The following CPA6 variants were observed in gnomAD, a reference collection of about 807,000 sequenced individuals.
CPA6 encodes the protein carboxypeptidase B.
In CPA6, 58 loss-of-function variants were observed where a neutral mutation model predicts 63.3. The observed-to-expected ratio is 0.92, with a 90% CI of 0.74 to 1.14. The LOEUF is 1.14. Ranked by LOEUF, CPA6 falls within the 50% of genes most tolerant of loss-of-function variation. The pLI is 0.00. For missense variants in CPA6, 565 were observed against 526.6 expected, an observed-to-expected ratio of 1.07 and a Z score of -0.71; for synonymous variants, 185 against 179.0, an observed-to-expected ratio of 1.03 and a Z score of -0.27.
intron 1 of CPA6, among the ~76,000 whole-genome samples, chr8:67,661,010 AAGTACT>A (rs1296728779): frequency 6.6e-6 from 1 of 152,176 alleles, no homozygotes; most frequent in African/African-American, 2.4e-5. Context: ...CTGGAAAGCA[AAGTACT>A]AGTTCATCCC....
At chr8:67,544,940 G>C (rs1249294834) in intron 2 of CPA6, among the ~76,000 whole-genome samples, 1 of 151,850 alleles carries the variant, frequency 6.6e-6, no homozygotes, top group Non-Finnish European at 1.5e-5. Flanking sequence ...TTTTTTGGGG[G>C]GCCATCAAAG....
intron 2 of CPA6, among the ~76,000 whole-genome samples, chr8:67,562,522 A>G (rs1225660280): frequency 6.6e-6 from 1 of 151,966 alleles, no homozygotes. Flanking sequence ...GGTTCTACGT[A>G]CAGTTGGTAC....
chr8:67,576,003 T>C (rs533853432), intron 2 of CPA6, among the ~76,000 whole-genome samples: 180 of 152,286 alleles, frequency 1.2e-3, no homozygotes, highest in South Asian at 3.7e-3. Context: ...TCATGGGAAC[T>C]GAGAGTAGAA....
intron 2 of CPA6, among the ~76,000 whole-genome samples, chr8:67,597,277 C>T (rs1044608482): frequency 3.3e-5 from 5 of 150,524 alleles, no homozygotes; most frequent in Non-Finnish European, 7.4e-5. Context: ...CAGCTCCCTG[C>T]AAACTCCGCC....
intron 1 of CPA6, among the ~76,000 whole-genome samples, chr8:67,712,307 T>C (rs964784068): frequency 2.0e-4 from 30 of 152,186 alleles, no homozygotes; most frequent in Admixed American, 1.6e-3. Context: ...TGTGGATATA[T>C]GTTTGCACCC....
chr8:67,741,662 G>C (rs934362221), intron 1 of CPA6, among the ~76,000 whole-genome samples: 13 of 152,156 alleles, frequency 8.5e-5, no homozygotes, highest in Non-Finnish European at 1.6e-4. Flanking sequence ...GAGGGATCTA[G>C]GTTGCATGTT....
intron 9 of CPA6, among the ~76,000 whole-genome samples, chr8:67,432,636 A>AT: frequency 6.6e-6 from 1 of 151,856 alleles, no homozygotes; most frequent in African/African-American, 2.4e-5. Context: ...CTAATTTTTA[A>AT]TTTTTTTGTA....
chr8:67,639,883 G>T (rs144335273), intron 1 of CPA6, among the ~76,000 whole-genome samples: 1 of 151,418 alleles, frequency 6.6e-6, no homozygotes, highest in Admixed American at 6.6e-5. Flanking sequence ...GACCTATAGT[G>T]GGTAGTTCCT....
In CPA6 at chr8:67,517,999, C is replaced by T; in HGVS notation, c.241G>A (p.Val81Ile). 1 of 1,613,054 alleles carries T rather than the reference C, an allele frequency of 6.2e-7. No homozygotes were observed. The highest frequency in any genetic ancestry group is 8.5e-7 in the Non-Finnish European group (1 of 1,179,634). Residue 81 changes from valine (V) to isoleucine (I), a missense_variant, in exon 3 of 11, where the codon GTT (valine) becomes ATT (isoleucine). By Grantham distance (29) the Val-to-Ile change is conservative. Transcript: ENST00000297770. ...SSISYVSEGT[V>I]TDVHIPQNGS... ...TTTTGGGGGATATGGACATCAGTAA[C>T]TGTTCCCTCTGATACATAGGAGATA...
intron 2 of CPA6, among the ~76,000 whole-genome samples, chr8:67,612,647 C>T (rs1350397553): frequency 1.3e-5 from 2 of 152,190 alleles, no homozygotes; most frequent in African/African-American, 4.8e-5. Flanking sequence ...TTTGTGGGAC[C>T]ATGGGAATTT....
At chr8:67,483,097 A>T (rs1157624359) in intron 8 of CPA6, among the ~76,000 whole-genome samples, 1 of 152,206 alleles carries the variant, frequency 6.6e-6, no homozygotes, top group Non-Finnish European at 1.5e-5. Context: ...CTCAATACAA[A>T]GGCAGCTCCT....
At position 67,532,596 on chromosome 8, in the gene CPA6, A is replaced by T. The variant is rs75629389; in HGVS notation, c.193-14549T>A. Among the ~76,000 whole-genome samples the T allele has an allele frequency of 3.1e-3, 476 of 152,158 alleles. 10 individuals carry two copies. The highest frequency in any genetic ancestry group is 0.025 in the Admixed American group (376 of 15,256). ...ACTTGGGAGGCTGAGAGGTGGGAGG[A>T]TCGCTTGTCTCTGGGAGTTCAAGGC... On this transcript the variant is annotated intron_variant, in intron 2 of 10. Transcript: ENST00000297770.
intron 2 of CPA6, among the ~76,000 whole-genome samples, chr8:67,601,844 T>A (rs1343110703): frequency 6.6e-6 from 1 of 152,162 alleles, no homozygotes; most frequent in Non-Finnish European, 1.5e-5. Context: ...AAAGTACATA[T>A]CCTCTTTGGC....
chr8:67,422,735 G>A (rs1406376866), intron 10 of CPA6, 44 bp from the exon 11 acceptor site: 1 of 1,482,704 alleles, frequency 6.7e-7, no homozygotes, highest in Non-Finnish European at 9.2e-7. Flanking sequence ...TCACTAAAGA[G>A]TCAGTATAAT....
intron 2 of CPA6, among the ~76,000 whole-genome samples, chr8:67,558,805 C>T (rs543456253): frequency 4.6e-5 from 7 of 152,294 alleles, no homozygotes; most frequent in African/African-American, 1.2e-4. Flanking sequence ...TATGGCTCTT[C>T]GTCCCATCTG....
At chr8:67,546,765 C>T (rs1309743107) in intron 2 of CPA6, among the ~76,000 whole-genome samples, 2 of 152,136 alleles carry the variant, frequency 1.3e-5, no homozygotes, top group Non-Finnish European at 2.9e-5. Flanking sequence ...GAAATCCTCT[C>T]ACCTCAGCCT....
At chr8:67,592,186 C>A (rs1165015696) in intron 2 of CPA6, among the ~76,000 whole-genome samples, 1 of 152,204 alleles carries the variant, frequency 6.6e-6, no homozygotes, top group Non-Finnish European at 1.5e-5. Context: ...TGCTGGATTA[C>A]ATTTACTGAT....
chr8:67,737,467 C>T (rs764344573), intron 1 of CPA6, among the ~76,000 whole-genome samples: 2 of 152,242 alleles, frequency 1.3e-5, no homozygotes, highest in Non-Finnish European at 2.9e-5. Context: ...CCTTTGCAAT[C>T]GTCACATCTA....
intron 8 of CPA6, among the ~76,000 whole-genome samples, chr8:67,475,823 T>TTTTCTTTCTTTCTTTC (rs1166367674): frequency 1.1e-4 from 5 of 45,962 alleles, no homozygotes; most frequent in Non-Finnish European, 1.6e-4. Flanking sequence ...CTTTCCTTTC[T>TTTTCTTTCTTTCTTTC]TTTCTTTCTT....
Sources: allele counts gnomAD v4.1 joint callset (sites outside exome capture counted in the v4.1 genomes callset), GRCh38; gene constraint gnomAD v4.1.1; transcripts MANE v1.5; gene names NCBI Gene and HGNC (gene_info 2026-07-23, HGNC 2026-07-21).